The following RUNDC3B variants were observed in gnomAD, a reference collection of about 807,000 sequenced individuals.
RUNDC3B encodes the protein RUN domain-containing protein 3B.
Under a neutral mutation model 58.4 loss-of-function variants are expected in RUNDC3B, and 33 were observed. The observed-to-expected ratio is 0.56, with a 90% confidence interval of 0.43 to 0.75. The LOEUF (loss-of-function observed/expected upper bound fraction) is 0.75, where lower values mean the gene tolerates loss of function less well. Among genes scored for constraint, RUNDC3B ranks in the 30% least tolerant of loss-of-function variants. The pLI is 0.00. For missense variants in RUNDC3B, 501 were observed against 535.7 expected (o/e 0.94, Z 0.64); for synonymous variants, 193 against 195.2 (o/e 0.99, Z 0.10).
chr7:87,667,787 T>C (rs1825411090), intron 2 of RUNDC3B, among the ~76,000 whole-genome samples: 1 of 152,150 alleles, frequency 6.6e-6, no homozygotes, highest in African/African-American at 2.4e-5. Context: ...TGAATCATGT[T>C]TATTGATTTG....
intron 6 of RUNDC3B, among the ~76,000 whole-genome samples, chr7:87,744,477 T>A (rs1832531703): frequency 1.3e-5 from 2 of 152,226 alleles, no homozygotes; most frequent in Admixed American, 1.3e-4. Context: ...TCATGTAATC[T>A]GTGATTTCTT....
rs1160798241 is a variant in RUNDC3B, at chr7:87,646,782, C to T, written c.123-4040C>T. Among the ~76,000 whole-genome samples, 7 of 152,178 alleles carry T rather than the reference C, an allele frequency of 4.6e-5. No homozygotes were observed. In the East Asian group the frequency reaches 7.7e-4, roughly 17 times the overall value. ...TCTTGTGTATTGTCACTGAGATGGA[C>T]GTAGGAAATAAAAGTTTTCAAGTCC... On this transcript the variant is annotated intron_variant, in intron 1 of 10. Transcript: ENST00000394654.
At chr7:87,723,944 A>G (rs910170414) in intron 4 of RUNDC3B, among the ~76,000 whole-genome samples, 6 of 152,204 alleles carry the variant, frequency 3.9e-5, no homozygotes, top group African/African-American at 1.2e-4. Context: ...ATTCAAGGCC[A>G]GGCATGGTGG....
At chr7:87,708,326 A>C (rs2130731926) in intron 3 of RUNDC3B, among the ~76,000 whole-genome samples, 1 of 152,294 alleles carries the variant, frequency 6.6e-6, no homozygotes, top group Non-Finnish European at 1.5e-5. Flanking sequence ...TATATCTCAC[A>C]GACATTAAAA....
intron 1 of RUNDC3B, among the ~76,000 whole-genome samples, chr7:87,632,879 T>C (rs1002096085): frequency 7.2e-5 from 11 of 152,206 alleles, no homozygotes; most frequent in African/African-American, 2.7e-4. Context: ...GTCAAACTTT[T>C]AAGTCAATAC....
intron 8 of RUNDC3B, 91 bp downstream of exon 8, chr7:87,778,046 T>C: frequency 1.9e-6 from 2 of 1,045,546 alleles, no homozygotes; most frequent in Middle Eastern, 2.6e-4. Flanking sequence ...TTCCAAGAAA[T>C]CTTATTGCCT....
At chr7:87,743,666 G>GT (rs368643375) in intron 6 of RUNDC3B, among the ~76,000 whole-genome samples, 1 of 151,808 alleles carries the variant, frequency 6.6e-6, no homozygotes, top group East Asian at 1.9e-4. Flanking sequence ...GGATTGTTTG[G>GT]TTTTTTTCAT....
At chr7:87,761,374 T>C (rs779010806) in intron 6 of RUNDC3B, among the ~76,000 whole-genome samples, 1 of 151,838 alleles carries the variant, frequency 6.6e-6, no homozygotes, top group Non-Finnish European at 1.5e-5. Flanking sequence ...GGTGGGAAAA[T>C]GTAAAATGAT....
intron 2 of RUNDC3B, among the ~76,000 whole-genome samples, chr7:87,660,770 T>C (rs1198477568): frequency 6.6e-6 from 1 of 152,022 alleles, no homozygotes; most frequent in Non-Finnish European, 1.5e-5. Flanking sequence ...AATATTTTCA[T>C]TAATACTCAT....
At chr7:87,816,043 A>T in intron 9 of RUNDC3B, 98 bp from the exon 10 acceptor site, 1 of 839,516 alleles carries the variant, frequency 1.2e-6, no homozygotes, top group Non-Finnish European at 1.9e-6. Flanking sequence ...GAGAATTTTA[A>T]CCAGAAATTT....
intron 3 of RUNDC3B, among the ~76,000 whole-genome samples, chr7:87,705,412 C>A (rs1214414127): frequency 6.6e-6 from 1 of 152,012 alleles, no homozygotes; most frequent in Non-Finnish European, 1.5e-5. Context: ...GGCAACAGAG[C>A]GAGACTCCAT....
chr7:87,793,031 C>A (rs1037756837), intron 8 of RUNDC3B, among the ~76,000 whole-genome samples: 2 of 151,908 alleles, frequency 1.3e-5, no homozygotes, highest in African/African-American at 2.4e-5. Context: ...ACTGATTCTG[C>A]AGAAATTCAA....
At chr7:87,677,968 A>G (rs1048057622) in intron 2 of RUNDC3B, among the ~76,000 whole-genome samples, 4 of 152,212 alleles carry the variant, frequency 2.6e-5, no homozygotes, top group Non-Finnish European at 4.4e-5. Flanking sequence ...AGAGATGAGG[A>G]CAAAATAAAG....
rs1411167300 is a variant in RUNDC3B, at chr7:87,679,923, C to T, written c.239-20498C>T. Reference sequence around the variant, plus strand: ...CCAAATGTTTGAAAATGTAAAAATACACTTTTTTAAACAAATTATACTTTA... The same window carrying T: ...CCAAATGTTTGAAAATGTAAAAATATACTTTTTTAAACAAATTATACTTTA... On this transcript the variant is annotated intron_variant, in intron 2 of 10. Coordinates refer to ENST00000394654, the MANE Select transcript of RUNDC3B (RefSeq NM_001134405.2). Among the ~76,000 whole-genome samples, 2 of 150,456 alleles carry T rather than the reference C, an allele frequency of 1.3e-5. 1 individual carries two copies. Among genetic ancestry groups the T allele is most frequent in the Non-Finnish European group, 2.9e-5 (2 of 67,820 alleles).
intron 6 of RUNDC3B, among the ~76,000 whole-genome samples, chr7:87,769,709 A>C (rs961504373): frequency 6.6e-6 from 1 of 151,942 alleles, no homozygotes; most frequent in Non-Finnish European, 1.5e-5. Context: ...ATAGTTATAC[A>C]TGTGCCATGG....
At chr7:87,820,291 A>G (rs2130959304) in intron 10 of RUNDC3B, among the ~76,000 whole-genome samples, 1 of 152,368 alleles carries the variant, frequency 6.6e-6, no homozygotes, top group Middle Eastern at 3.4e-3. Flanking sequence ...AATCTAGAAG[A>G]AATGGATAAA....
intron 1 of RUNDC3B, among the ~76,000 whole-genome samples, chr7:87,642,737 G>A (rs1040032244): frequency 3.3e-5 from 5 of 151,816 alleles, no homozygotes; most frequent in Non-Finnish European, 2.9e-5. Context: ...TGCTTCTAAC[G>A]TTATTTTTTA....
chr7:87,803,084 T>C (rs1836258531), intron 8 of RUNDC3B, among the ~76,000 whole-genome samples: 1 of 152,192 alleles, frequency 6.6e-6, no homozygotes, highest in Non-Finnish European at 1.5e-5. Flanking sequence ...TACATATTTA[T>C]ACATAGTTAT....
intron 2 of RUNDC3B, among the ~76,000 whole-genome samples, chr7:87,691,133 CAT>C (rs1222483678): frequency 1.3e-5 from 2 of 151,942 alleles, no homozygotes; most frequent in Non-Finnish European, 2.9e-5. Flanking sequence ...GAATTAGAAA[CAT>C]ATTCAGTCTT....
Sources: gnomAD v4.1 joint callset for allele counts (sites outside exome capture counted in the v4.1 genomes callset) on GRCh38, gnomAD v4.1.1 for gene constraint, MANE v1.5 for transcripts, NCBI Gene and HGNC (gene_info 2026-07-23, HGNC 2026-07-21) for gene names.